The following GALNTL6 variants were observed in gnomAD, a reference collection of about 807,000 sequenced individuals.
GALNTL6 encodes the protein polypeptide N-acetylgalactosaminyltransferase-like 6.
Under a neutral mutation model 73.7 loss-of-function variants are expected in GALNTL6, and 46 were observed. That is an observed-to-expected ratio of 0.62 (90% CI 0.49 to 0.80). GALNTL6 has a LOEUF of 0.80. Among genes scored for constraint, GALNTL6 ranks in the 30% least tolerant of loss-of-function variants. GALNTL6 has a pLI of 0.00. For missense variants in GALNTL6, 604 were observed against 755.0 expected, an observed-to-expected ratio of 0.80 and a Z score of 2.34; for synonymous variants, 259 against 263.7, an observed-to-expected ratio of 0.98 and a Z score of 0.17.
At chr4:172,345,658 A>T (rs1018065548) in intron 4 of GALNTL6, among the ~76,000 whole-genome samples, 1 of 152,188 alleles carries the variant, frequency 6.6e-6, no homozygotes, top group Non-Finnish European at 1.5e-5. Flanking sequence ...ACTATACCAA[A>T]TGAGGTATAA....
In GALNTL6 at chr4:172,743,454, G is replaced by A. The variant is rs372193103; in HGVS notation, c.554-65907G>A. Among the ~76,000 whole-genome samples, 199 of 152,162 alleles carry A rather than the reference G, an allele frequency of 1.3e-3. 8 individuals carry two copies. In the South Asian group the frequency reaches 0.04, roughly 31 times the overall value. ...GTAGATGTTTAAGATGCTTTTAACT[G>A]TTTTTCACTGTGAAGATGATATTGT... is the stretch of plus-strand genomic sequence containing the variant. On this transcript the variant is annotated intron_variant, in intron 5 of 12. Transcript: ENST00000506823.
intron 5 of GALNTL6, among the ~76,000 whole-genome samples, chr4:172,801,031 G>GA (rs1464663383): frequency 2.6e-5 from 4 of 151,662 alleles, no homozygotes; most frequent in Admixed American, 6.6e-5. Flanking sequence ...AAATACTTAG[G>GA]AAAAAATATA....
rs376091309 is a variant in GALNTL6 at position 172,996,529 on chromosome 4, T to G, written c.1372-12649T>G. ...TATGACAAACCTGCACATGGACCCC[T>G]GAACCTAAAATAAAGTTAAAACTTT... is the stretch of plus-strand genomic sequence containing the variant. On this transcript the variant is annotated intron_variant, in intron 10 of 12. Coordinates refer to ENST00000506823, the MANE Select transcript of GALNTL6 (RefSeq NM_001034845.3). Among the ~76,000 whole-genome samples the G allele has an allele frequency of 1.1e-3, 171 of 152,298 alleles. 1 individual carries two copies. The highest frequency in any genetic ancestry group is 3.8e-3 in the African/African-American group (160 of 41,572).
chr4:172,856,285 T>A (rs1156459868), intron 7 of GALNTL6, among the ~76,000 whole-genome samples: 3 of 152,106 alleles, frequency 2.0e-5, no homozygotes, highest in African/African-American at 2.4e-5. Context: ...AAAGCACAAG[T>A]CAAATCAGAA....
chr4:171,887,162 G>A (rs1271077822), intron 2 of GALNTL6, among the ~76,000 whole-genome samples: 1 of 152,148 alleles, frequency 6.6e-6, no homozygotes, highest in Non-Finnish European at 1.5e-5. Flanking sequence ...AAACTCTCCA[G>A]ATGAAGCCCT....
In GALNTL6 at chr4:172,042,745, T is replaced by C. The variant is rs1742117077; in HGVS notation, c.139-186911T>C. On this transcript the variant is annotated intron_variant, in intron 2 of 12. Transcript: ENST00000506823. The stretch of plus-strand genomic sequence containing the variant: ...TAACTCATCTCTCTCTTTCTTTCTG[T>C]CTTTCTCTGACTATTCTGATAGCCA... 3.3e-5 allele frequency among the ~76,000 whole-genome samples: 5 copies of C among 151,638 alleles called. No individual in the cohort carries two copies. The South Asian group carries it at 1.0e-3, about 32-fold the overall frequency.
intron 10 of GALNTL6, among the ~76,000 whole-genome samples, chr4:172,964,726 C>T (rs79702118): frequency 0.014 from 2,112 of 152,274 alleles, 47 homozygotes; most frequent in African/African-American, 0.048. Context: ...TCAGCTTACA[C>T]GAAAGGAAGT....
At chr4:172,300,778 T>G (rs1489112128) in intron 3 of GALNTL6, among the ~76,000 whole-genome samples, 1 of 152,192 alleles carries the variant, frequency 6.6e-6, no homozygotes, top group Non-Finnish European at 1.5e-5. Flanking sequence ...TAACCCGACC[T>G]TTCTCTGTGG....
chr4:172,825,998 G>A (rs1488268877), intron 7 of GALNTL6, among the ~76,000 whole-genome samples: 1 of 152,098 alleles, frequency 6.6e-6, no homozygotes. Context: ...GTAGCATATG[G>A]AGCAGGTTTG....
intron 2 of GALNTL6, among the ~76,000 whole-genome samples, chr4:171,985,910 C>T (rs1740058425): frequency 6.6e-6 from 1 of 151,670 alleles, no homozygotes; most frequent in Non-Finnish European, 1.5e-5. Context: ...TGGTAGCACA[C>T]ACCTGTAATC....
chr4:172,016,445 T>A (rs548744455), intron 2 of GALNTL6, among the ~76,000 whole-genome samples: 9 of 152,180 alleles, frequency 5.9e-5, no homozygotes, highest in Non-Finnish European at 1.0e-4. Context: ...ACTATCTATT[T>A]ATCTGAAAAA....
intron 10 of GALNTL6, among the ~76,000 whole-genome samples, chr4:172,962,973 C>A (rs1750151709): frequency 6.6e-6 from 1 of 152,108 alleles, no homozygotes; most frequent in African/African-American, 2.4e-5. Context: ...GGCCACCACT[C>A]CTCCATTCAA....
chr4:171,991,482 A>C (rs146732169), intron 2 of GALNTL6, among the ~76,000 whole-genome samples: 3 of 152,050 alleles, frequency 2.0e-5, no homozygotes, highest in African/African-American at 7.2e-5. Flanking sequence ...AAACCTAAAA[A>C]ACAGAAGAAG....
intron 2 of GALNTL6, among the ~76,000 whole-genome samples, chr4:171,978,216 T>C (rs995670271): frequency 2.0e-5 from 3 of 151,966 alleles, no homozygotes; most frequent in African/African-American, 7.3e-5. Context: ...TATTTACCAT[T>C]TTAAAATATT....
chr4:173,020,454 TATC>T (rs1752947873), intron 11 of GALNTL6, among the ~76,000 whole-genome samples: 1 of 152,164 alleles, frequency 6.6e-6, no homozygotes, highest in African/African-American at 2.4e-5. Context: ...TAAAGGTAAA[TATC>T]ATTTCATGAA....
At chr4:171,884,808 C>A (rs1172205676) in intron 2 of GALNTL6, among the ~76,000 whole-genome samples, 3 of 151,956 alleles carry the variant, frequency 2.0e-5, no homozygotes, top group Non-Finnish European at 4.4e-5. Flanking sequence ...GTAATCCTAG[C>A]ACTTTGGGAG....
intron 11 of GALNTL6, among the ~76,000 whole-genome samples, chr4:173,016,609 G>A (rs764993979): frequency 2.6e-5 from 4 of 152,194 alleles, no homozygotes; most frequent in Non-Finnish European, 4.4e-5. Flanking sequence ...GAATGGCTGT[G>A]TTTACCCAAT....
At chr4:171,940,346 C>T (rs1738492440) in intron 2 of GALNTL6, among the ~76,000 whole-genome samples, 1 of 149,916 alleles carries the variant, frequency 6.7e-6, no homozygotes, top group Non-Finnish European at 1.5e-5. Flanking sequence ...TTTGGGGATG[C>T]AAATAAGAAT....
At chr4:172,824,837 T>A (rs1742147313) in intron 7 of GALNTL6, among the ~76,000 whole-genome samples, 1 of 152,118 alleles carries the variant, frequency 6.6e-6, no homozygotes, top group African/African-American at 2.4e-5. Flanking sequence ...TAGAGTTGAG[T>A]GACACTAGAA....
Sources: gnomAD v4.1 joint callset for allele counts (sites outside exome capture counted in the v4.1 genomes callset) on GRCh38, gnomAD v4.1.1 for gene constraint, MANE v1.5 for transcripts, NCBI Gene and HGNC (gene_info 2026-07-23, HGNC 2026-07-21) for gene names.